ERICH1: variants seen among roughly 807,000 people sequenced by gnomAD.
ERICH1 encodes the protein glutamate-rich protein 1.
A neutral mutation model predicts 39.6 loss-of-function variants in ERICH1; 56 were observed. The observed-to-expected ratio is 1.41, with a 90% CI of 1.14 to 1.77. ERICH1 has a LOEUF of 1.77. Among genes scored for constraint, ERICH1 ranks in the 40% most tolerant of loss-of-function variants. The pLI is 0.00. For missense variants in ERICH1, 826 were observed against 575.4 expected (o/e 1.44, Z -4.45); for synonymous variants, 313 against 223.6 (o/e 1.40, Z -3.57).
At chr8:723,185 C>T (rs76754660) in intron 1 of ERICH1, among the ~76,000 whole-genome samples, 4,938 of 152,312 alleles carry the variant, frequency 0.032, 187 homozygotes, top group Admixed American at 0.12. Flanking sequence ...CTCTGCCTTC[C>T]CCAAGAGTGG....
chr8:691,448 C>G (rs2132058924), intron 3 of ERICH1, among the ~76,000 whole-genome samples: 1 of 152,366 alleles, frequency 6.6e-6, no homozygotes, highest in African/African-American at 2.4e-5. Context: ...GCAGCATGGA[C>G]AACGCGGTAC....
At chr8:656,798 C>T (rs975661168) in intron 3 of ERICH1, 35 of 985,346 alleles carry the variant, frequency 3.6e-5, no homozygotes, top group Non-Finnish European at 4.0e-5. Flanking sequence ...TCCCAGACTC[C>T]CAGCCTCAGG....
At chr8:652,861 C>G (rs1322494391) in intron 3 of ERICH1, among the ~76,000 whole-genome samples, 2 of 152,200 alleles carry the variant, frequency 1.3e-5, no homozygotes, top group Non-Finnish European at 2.9e-5. Flanking sequence ...TCCGGCACCA[C>G]TAATCAGCAA....
intron 3 of ERICH1, among the ~76,000 whole-genome samples, chr8:634,183 A>AAAAAAAACAAAC (rs1554481909): frequency 7.4e-6 from 1 of 135,806 alleles, no homozygotes; most frequent in Non-Finnish European, 1.5e-5. Flanking sequence ...AAAAAAAAAA[A>AAAAAAAACAAAC]AAACAAACAA....
At chr8:707,581 T>C (rs1669625) in intron 2 of ERICH1, among the ~76,000 whole-genome samples, 37,863 of 152,002 alleles carry the variant, frequency 0.25, 4,926 homozygotes, top group East Asian at 0.42. Context: ...GTTAAGACAA[T>C]TGGATATCCA....
At chr8:654,690 G>A (rs1800390722) in intron 3 of ERICH1, among the ~76,000 whole-genome samples, 1 of 152,148 alleles carries the variant, frequency 6.6e-6, no homozygotes, top group Non-Finnish European at 1.5e-5. Context: ...CGTCCCCGAG[G>A]CCACCACAGT....
intron 3 of ERICH1, among the ~76,000 whole-genome samples, chr8:684,801 C>A (rs1022837019): frequency 6.6e-6 from 1 of 152,132 alleles, no homozygotes; most frequent in African/African-American, 2.4e-5. Context: ...CCCCCTGAGC[C>A]CCAAAACCAG....
At chr8:699,564 GAGA>G (rs1430215173) in intron 2 of ERICH1, among the ~76,000 whole-genome samples, 8 of 150,610 alleles carry the variant, frequency 5.3e-5, no homozygotes, top group Non-Finnish European at 9.0e-5. Flanking sequence ...AGGCGTTCCA[GAGA>G]AGGAGGACGG....
chr8:623,189 G>C (rs552474157), intron 3 of ERICH1, among the ~76,000 whole-genome samples: 1 of 152,150 alleles, frequency 6.6e-6, no homozygotes, highest in South Asian at 2.1e-4. Flanking sequence ...ATGCATAAAT[G>C]GAATTACACA....
chr8:693,782 C>T (rs1455851011), intron 2 of ERICH1, among the ~76,000 whole-genome samples: 1 of 152,124 alleles, frequency 6.6e-6, no homozygotes, highest in Non-Finnish European at 1.5e-5. Flanking sequence ...TGCCCCTCTA[C>T]CAGAGGTCAT....
At chr8:617,853 C>G (rs563280188) in intron 3 of ERICH1, among the ~76,000 whole-genome samples, 1 of 144,880 alleles carries the variant, frequency 6.9e-6, no homozygotes, top group Admixed American at 6.9e-5. Flanking sequence ...TCTGAGTGCT[C>G]AGTACTGAGT....
intron 4 of ERICH1, among the ~76,000 whole-genome samples, chr8:670,182 T>G (rs1329777599): frequency 6.6e-6 from 1 of 152,232 alleles, no homozygotes; most frequent in African/African-American, 2.4e-5. Flanking sequence ...GCCTGAATTT[T>G]AGTTACTATA....
chr8:695,760 A>G lies in ERICH1; in HGVS notation c.170-3148T>C, dbSNP rs376767957. Among the ~76,000 whole-genome samples, 92 of 27,436 alleles carry G rather than the reference A, an allele frequency of 3.4e-3. 1 individual carries two copies. Among genetic ancestry groups the G allele is most frequent in the African/African-American group, 8.5e-3 (74 of 8,686 alleles). The allele number at this position is 27,436 out of a possible 152,430, so 18.0% of individuals were successfully genotyped here. A position where few individuals can be genotyped will look rare whatever the true frequency, so the allele number is the denominator to read the frequency against. ...GCCTGCGCCTGTGCTGGCTCCTCTCACCCTCCACTCCTCTCCTTCCTCCCC... is the reference window on the plus strand; with the variant it reads ...GCCTGCGCCTGTGCTGGCTCCTCTCGCCCTCCACTCCTCTCCTTCCTCCCC... On this transcript the variant is annotated intron_variant, in intron 2 of 5. Coordinates refer to ENST00000262109, the MANE Select transcript of ERICH1 (RefSeq NM_207332.3).
intron 3 of ERICH1, among the ~76,000 whole-genome samples, chr8:685,276 G>GT (rs1807062321): frequency 6.6e-6 from 1 of 152,292 alleles, no homozygotes; most frequent in African/African-American, 2.4e-5. Context: ...AGAGAAATAC[G>GT]GCTGTGTCCT....
chr8:724,523 G>A (rs527950731), intron 1 of ERICH1, among the ~76,000 whole-genome samples: 22 of 152,182 alleles, frequency 1.4e-4, no homozygotes, highest in African/African-American at 5.1e-4. Context: ...GCACTGCCCC[G>A]ACGGGGGCGG....
rs1799403462 is a variant in ERICH1, at chr8:644,969, C to T, written c.976+23629G>A. Reference sequence around the variant, plus strand: ...GAGGCAGGAGCTACGGGGCCCAGGACCAGAAGGAATGAGATCCTTCTCCTC... The same window carrying T: ...GAGGCAGGAGCTACGGGGCCCAGGATCAGAAGGAATGAGATCCTTCTCCTC... On this transcript the variant is annotated intron_variant, in intron 3 of 3. Coordinates refer to the ERICH1 transcript ENST00000522706. 2.9e-5 allele frequency among the ~76,000 whole-genome samples: 2 copies of T among 69,216 alleles called. 1 individual carries two copies. The highest frequency in any genetic ancestry group is 7.3e-5 in the African/African-American group (2 of 27,526). 45.4% of individuals were successfully genotyped at this position (69,216 alleles called of 152,430 possible). A position where few individuals can be genotyped will look rare whatever the true frequency, so the allele number is the denominator to read the frequency against.
intron 3 of ERICH1, among the ~76,000 whole-genome samples, chr8:685,808 A>G (rs1807201772): frequency 6.6e-6 from 1 of 151,886 alleles, no homozygotes; most frequent in Non-Finnish European, 1.5e-5. Context: ...CCATCTTTCT[A>G]TTCCTGAGAG....
chr8:636,605 C>T (rs1798460525), intron 3 of ERICH1, among the ~76,000 whole-genome samples: 1 of 152,248 alleles, frequency 6.6e-6, no homozygotes, highest in South Asian at 2.1e-4. Context: ...ACCAAACCCT[C>T]AGCACTGTCC....
intron 5 of ERICH1, chr8:665,863 A>C (rs1802148086): frequency 6.6e-6 from 1 of 152,236 alleles, no homozygotes; most frequent in Non-Finnish European, 1.5e-5. Flanking sequence ...CTCTGTGCTC[A>C]TCCTACAGAG....
Sources: allele counts gnomAD v4.1 joint callset (sites outside exome capture counted in the v4.1 genomes callset), GRCh38; gene constraint gnomAD v4.1.1; transcripts MANE v1.5; gene names NCBI Gene and HGNC (gene_info 2026-07-23, HGNC 2026-07-21).